Variants in TRERF1 observed in about 807,000 individuals in gnomAD.
TRERF1 encodes transcriptional regulating factor 1, also known as transcriptional-regulating factor 1.
In TRERF1, 27 loss-of-function variants were observed where a neutral mutation model predicts 122.9. That is an observed-to-expected ratio of 0.22 (90% CI 0.16 to 0.30). The LOEUF (loss-of-function observed/expected upper bound fraction) is 0.30. TRERF1 is among the 10% of genes least tolerant of loss of function. The probability of loss-of-function intolerance (pLI) is 1.00; values close to 1 mark genes in which losing one functional copy is unlikely to be tolerated. For missense variants in TRERF1, 1,248 were observed against 1,560.3 expected, an observed-to-expected ratio of 0.80 and a Z score of 3.37; for synonymous variants, 636 against 641.7, an observed-to-expected ratio of 0.99 and a Z score of 0.13.
At chr6:42,436,345 G>A (rs940509440) in intron 2 of TRERF1, among the ~76,000 whole-genome samples, 1 of 151,640 alleles carries the variant, frequency 6.6e-6, no homozygotes, top group Non-Finnish European at 1.5e-5. Context: ...CTCCAGCCTG[G>A]GTGACAGAGT....
chr6:42,316,378 T>G lies in TRERF1; in HGVS notation c.-370-15629A>C, dbSNP rs1232343008. Among the ~76,000 whole-genome samples, 3 of 152,142 alleles carry G rather than the reference T, an allele frequency of 2.0e-5. No homozygotes were observed. In the East Asian group the frequency reaches 5.8e-4, roughly 29 times the overall value. ...CTTCCTGGTCACTATCCAAAGAAGCTTTTCTAACTTGGGGAGGACAGATGA... is the reference window on the plus strand; with the variant it reads ...CTTCCTGGTCACTATCCAAAGAAGCGTTTCTAACTTGGGGAGGACAGATGA... On this transcript the variant is annotated intron_variant, in intron 3 of 17. Coordinates refer to ENST00000372922, the Ensembl canonical transcript of TRERF1.
intron 2 of TRERF1, among the ~76,000 whole-genome samples, chr6:42,408,334 T>C (rs370949): frequency 5.8e-4 from 77 of 132,216 alleles, no homozygotes; most frequent in African/African-American, 2.0e-3. Context: ...TATATATATA[T>C]ACATACACGT....
At chr6:42,262,407 C>A (rs1410029198) in intron 8 of TRERF1, among the ~76,000 whole-genome samples, 1 of 137,050 alleles carries the variant, frequency 7.3e-6, no homozygotes. Context: ...ATATTGCCAA[C>A]CACACAGGTC....
intron 2 of TRERF1, among the ~76,000 whole-genome samples, chr6:42,435,768 G>C (rs186997780): frequency 8.6e-5 from 13 of 151,582 alleles, no homozygotes; most frequent in African/African-American, 2.9e-4. Context: ...GAGGTCAAGA[G>C]ATCGAGATCA....
At chr6:42,239,388 C>T (rs1219445041) in intron 15 of TRERF1, among the ~76,000 whole-genome samples, 1 of 152,192 alleles carries the variant, frequency 6.6e-6, no homozygotes, top group African/African-American at 2.4e-5. Context: ...CTTCTCCTCT[C>T]ACCTCATTAA....
At chr6:42,380,505 C>T (rs1775733705) in intron 2 of TRERF1, among the ~76,000 whole-genome samples, 1 of 152,230 alleles carries the variant, frequency 6.6e-6, no homozygotes, top group South Asian at 2.1e-4. Flanking sequence ...CCTCCATATT[C>T]TCCTCTGTGA....
At chr6:42,415,985 T>C (rs1367254967) in intron 2 of TRERF1, among the ~76,000 whole-genome samples, 1 of 152,142 alleles carries the variant, frequency 6.6e-6, no homozygotes, top group Non-Finnish European at 1.5e-5. Context: ...TTTAAGTCTT[T>C]TATGCCCGTT....
intron 4 of TRERF1, among the ~76,000 whole-genome samples, chr6:42,273,448 G>A (rs979790230): frequency 6.6e-6 from 1 of 152,162 alleles, no homozygotes; most frequent in African/African-American, 2.4e-5. Flanking sequence ...TAGACAGGCA[G>A]AAAAAGACAC....
intron 2 of TRERF1, among the ~76,000 whole-genome samples, chr6:42,366,628 G>A (rs1772778308): frequency 6.6e-6 from 1 of 152,218 alleles, no homozygotes. Flanking sequence ...CTTCAAGGGA[G>A]AGCTTGAAAT....
At chr6:42,331,659 G>A (rs1445289664) in intron 3 of TRERF1, among the ~76,000 whole-genome samples, 1 of 152,166 alleles carries the variant, frequency 6.6e-6, no homozygotes, top group Admixed American at 6.5e-5. Flanking sequence ...AGCAGCTGGG[G>A]CAGAATCAGA....
chr6:42,286,778 A>C (rs368189190), intron 4 of TRERF1, among the ~76,000 whole-genome samples: 13 of 131,236 alleles, frequency 9.9e-5, no homozygotes, highest in East Asian at 4.3e-4. Flanking sequence ...TTGACCCAGC[A>C]ATCCCATTAC....
At chr6:42,376,510 A>C (rs1187408471) in intron 2 of TRERF1, among the ~76,000 whole-genome samples, 1 of 150,650 alleles carries the variant, frequency 6.6e-6, no homozygotes, top group Non-Finnish European at 1.5e-5. Context: ...TTAAATGTTG[A>C]AACCTTCATG....
intron 16 of TRERF1, among the ~76,000 whole-genome samples, chr6:42,235,522 T>A (rs1771937680): frequency 1.3e-5 from 2 of 152,228 alleles, no homozygotes; most frequent in Non-Finnish European, 2.9e-5. Context: ...ATGGTGAACT[T>A]GTTTTATTTT....
intron 2 of TRERF1, among the ~76,000 whole-genome samples, chr6:42,445,353 G>GACACACAC (rs57862861): frequency 4.7e-4 from 41 of 86,724 alleles, no homozygotes; most frequent in African/African-American, 1.2e-3. Context: ...TACACACACA[G>GACACACAC]ACACACACAC....
At chr6:42,299,016 G>A (rs1335905075) in intron 4 of TRERF1, among the ~76,000 whole-genome samples, 7 of 152,040 alleles carry the variant, frequency 4.6e-5, no homozygotes. Flanking sequence ...GGAGGTGAGA[G>A]TATCATTTGA....
At chr6:42,262,339 C>T (rs760203574) in intron 8 of TRERF1, among the ~76,000 whole-genome samples, 1 of 151,726 alleles carries the variant, frequency 6.6e-6, no homozygotes, top group African/African-American at 2.4e-5. Flanking sequence ...CAGCAGCTAC[C>T]TATTCCTAAG....
At chr6:42,386,547 A>G (rs771952975) in intron 2 of TRERF1, among the ~76,000 whole-genome samples, 8 of 152,252 alleles carry the variant, frequency 5.3e-5, no homozygotes, top group Non-Finnish European at 1.2e-4. Context: ...CCCAAATTGT[A>G]GCACTTGGCA....
chr6:42,419,647 C>T (rs541399998), intron 2 of TRERF1, among the ~76,000 whole-genome samples: 1 of 152,152 alleles, frequency 6.6e-6, no homozygotes, highest in Non-Finnish European at 1.5e-5. Context: ...ACCTTAAGGT[C>T]CCTAGTGGCT....
chr6:42,250,697 C>G (rs1457451752), intron 13 of TRERF1, among the ~76,000 whole-genome samples: 1 of 152,082 alleles, frequency 6.6e-6, no homozygotes, highest in African/African-American at 2.4e-5. Flanking sequence ...GAATTCCTGG[C>G]TATTGGGCTA....
Sources: allele counts gnomAD v4.1 joint callset (sites outside exome capture counted in the v4.1 genomes callset), GRCh38; gene constraint gnomAD v4.1.1; transcripts MANE v1.5; gene names NCBI Gene and HGNC (gene_info 2026-07-23, HGNC 2026-07-21).